EEFSEC: variants seen among roughly 807,000 people sequenced by gnomAD.
EEFSEC encodes selenocysteine-specific elongation factor.
In EEFSEC, 43 loss-of-function variants were observed where a neutral mutation model predicts 42.1. That is an observed-to-expected ratio of 1.02 (90% CI 0.80 to 1.32). The LOEUF is 1.32. EEFSEC is among the 40% of genes most tolerant of loss of function. EEFSEC has a pLI of 0.00. For synonymous variants in EEFSEC, 354 were observed against 339.1 expected (o/e 1.04, Z -0.48); for missense variants, 745 against 803.6 (o/e 0.93, Z 0.88).
chr3:128,338,206 T>C (rs1210472061), intron 4 of EEFSEC, among the ~76,000 whole-genome samples: 4 of 152,108 alleles, frequency 2.6e-5, no homozygotes, highest in African/African-American at 9.7e-5. Context: ...GTACTACATA[T>C]GTAGTGAGCC....
At chr3:128,356,534 G>A (rs148937332) in intron 5 of EEFSEC, among the ~76,000 whole-genome samples, 2 of 152,330 alleles carry the variant, frequency 1.3e-5, no homozygotes, top group African/African-American at 4.8e-5. Context: ...AGGAGAGGAT[G>A]GGAGGTCCGC....
At chr3:128,422,976 A>G in the EEFSEC span, among the ~76,000 whole-genome samples, 33 of 152,352 alleles carry the variant, frequency 2.2e-4, no homozygotes, top group African/African-American at 7.2e-4. Flanking sequence ...TCCCAGGCCC[A>G]CACCAACCAT....
intron 1 of EEFSEC, among the ~76,000 whole-genome samples, chr3:128,165,915 A>G (rs2065238596): frequency 6.6e-6 from 1 of 152,224 alleles, no homozygotes; most frequent in South Asian, 2.1e-4. Context: ...CTTCCCAGAT[A>G]CATGACGGTG....
chr3:128,355,289 G>A (rs183235164), intron 5 of EEFSEC, among the ~76,000 whole-genome samples: 1 of 152,192 alleles, frequency 6.6e-6, no homozygotes, highest in Non-Finnish European at 1.5e-5. Context: ...CTTGGCCTCA[G>A]TCCTGGGGGC....
intron 1 of EEFSEC, among the ~76,000 whole-genome samples, chr3:128,176,374 A>T (rs978943950): frequency 6.6e-6 from 1 of 151,994 alleles, no homozygotes; most frequent in Non-Finnish European, 1.5e-5. Context: ...GTGCAGTTAG[A>T]GTTAAGACAA....
chr3:128,348,985 G>A lies in EEFSEC; in HGVS notation c.1443+7096G>A, dbSNP rs1042208041. ...TGCCAAGGTGGGAGGAAGTAGGCTG[G>A]TGAGGGAAAAGCACAAAATGGTGAC... On this transcript the variant is annotated intron_variant, in intron 5 of 6. Transcript: ENST00000254730. 6.6e-5 allele frequency among the ~76,000 whole-genome samples: 10 copies of A among 152,346 alleles called. No homozygotes were observed. In the South Asian group the frequency reaches 1.4e-3, roughly 22 times the overall value.
intron 1 of EEFSEC, among the ~76,000 whole-genome samples, chr3:128,222,410 TAAG>T (rs932025260): frequency 2.6e-5 from 4 of 152,204 alleles, no homozygotes; most frequent in Non-Finnish European, 4.4e-5. Context: ...AGGAAAGAAA[TAAG>T]AATAATTTGT....
Position 128,378,939 on chromosome 3 carries a change from G to A in EEFSEC, c.1600+20566G>A, listed in dbSNP as rs995693595. On this transcript the variant is annotated intron_variant, in intron 6 of 6. Transcript: ENST00000254730. ...TTCTGTCCCACACAGCTGACTGGTC[G>A]GCCAGGGAGACTCTGGAAAACAGCT... Among the ~76,000 whole-genome samples the A allele has an allele frequency of 2.0e-5, 3 of 152,202 alleles. No individual in the cohort carries two copies. The East Asian group carries it at 5.8e-4, about 29-fold the overall frequency.
chr3:128,411,037 G>A (rs539426863), downstream of EEFSEC, among the ~76,000 whole-genome samples: 64 of 152,336 alleles, frequency 4.2e-4, no homozygotes, highest in African/African-American at 1.4e-3. Flanking sequence ...ACGCCCAGCC[G>A]ACTGCCCCAG....
At chr3:128,244,925 A>C (rs2066111491) in intron 1 of EEFSEC, among the ~76,000 whole-genome samples, 1 of 152,198 alleles carries the variant, frequency 6.6e-6, no homozygotes, top group African/African-American at 2.4e-5. Flanking sequence ...ATGGGTGTAT[A>C]GTATTCTGTC....
chr3:128,163,951 A>C (rs1054604510), intron 1 of EEFSEC, among the ~76,000 whole-genome samples: 3 of 151,386 alleles, frequency 2.0e-5, no homozygotes, highest in East Asian at 3.9e-4. Context: ...AAAAAAAAAA[A>C]ACAAAACTAT....
At chr3:128,380,612 C>T (rs1331550195) in intron 6 of EEFSEC, among the ~76,000 whole-genome samples, 2 of 152,210 alleles carry the variant, frequency 1.3e-5, no homozygotes, top group Non-Finnish European at 2.9e-5. Flanking sequence ...GTTTTACATA[C>T]TTGGTTTCAC....
At chr3:128,288,475 TC>T (rs765508045) in intron 4 of EEFSEC, among the ~76,000 whole-genome samples, 2 of 152,310 alleles carry the variant, frequency 1.3e-5, no homozygotes, top group East Asian at 3.9e-4. Context: ...AGTGGGGTTT[TC>T]CTTGTTGTGA....
At chr3:128,262,048 G>A (rs1430445960) in intron 2 of EEFSEC, 80 bp from the exon 3 acceptor site, 3 of 1,345,966 alleles carry the variant, frequency 2.2e-6, no homozygotes, top group African/African-American at 2.9e-5. Context: ...ACTTGGTACT[G>A]TGCCAGGTGC....
rs1944296269 is a variant in EEFSEC, at chr3:128,153,607, G to A, written c.100G>A (p.Ala34Thr). The A allele has an allele frequency of 1.3e-6, 2 of 1,594,074 alleles. No homozygotes were observed. The highest frequency in any genetic ancestry group is 1.1e-5 in the South Asian group (1 of 89,422). Residue 34 changes from alanine to threonine, a missense_variant, in exon 1 of 7, where the codon GCC becomes ACC. Coordinates refer to ENST00000254730, the MANE Select transcript of EEFSEC (RefSeq NM_021937.5). ...GGCGCTAAGCACCACAGCCTCCACC[G>A]CCGCCTTTGACAAGCAGCCGCAGAG... ...ARALSTTASTAAFDKQPQSRE... is the reference protein window; with the variant it reads ...ARALSTTASTTAFDKQPQSRE...
At chr3:128,364,926 T>C (rs1276167118) in intron 6 of EEFSEC, among the ~76,000 whole-genome samples, 1 of 152,240 alleles carries the variant, frequency 6.6e-6, no homozygotes, top group Non-Finnish European at 1.5e-5. Context: ...GTTCTCTGTC[T>C]GCCCCAGGGA....
At chr3:128,279,142 ACGG>A (rs112465279) in intron 4 of EEFSEC, among the ~76,000 whole-genome samples, 35 of 152,294 alleles carry the variant, frequency 2.3e-4, no homozygotes, top group South Asian at 8.3e-4. Flanking sequence ...TGTGAACCAT[ACGG>A]CGGCGGCGTT....
At chr3:128,403,789 TTCC>T (rs527752590) in intron 6 of EEFSEC, among the ~76,000 whole-genome samples, 42 of 152,008 alleles carry the variant, frequency 2.8e-4, no homozygotes, top group African/African-American at 8.4e-4. Context: ...GGGTCCAGCA[TTCC>T]TCCTCCTCCT....
In EEFSEC at chr3:128,317,818, C is replaced by T. The variant is rs1427353555; in HGVS notation, c.787-23415C>T. Among the ~76,000 whole-genome samples the T allele has an allele frequency of 1.3e-5, 2 of 152,254 alleles. No homozygotes were observed. Among genetic ancestry groups the T allele is most frequent in the African/African-American group, 4.8e-5 (2 of 41,462 alleles). On this transcript the variant is annotated intron_variant, in intron 4 of 6. Transcript: ENST00000254730. This position sits in a 1 kb window ranked among gnomAD's most constrained non-coding sequence, Gnocchi z 4.1. ...CTTCAGCCTTCTGCTCCAGCTGCTC[C>T]GTCCATCCACAGGCCTGGCACAGAT...
Sources: allele counts gnomAD v4.1 joint callset (sites outside exome capture counted in the v4.1 genomes callset), GRCh38; gene constraint gnomAD v4.1.1; non-coding constraint Gnocchi (gnomAD v3.1); transcripts MANE v1.5; gene names NCBI Gene and HGNC (gene_info 2026-07-23, HGNC 2026-07-21).